FRMPD4: variants seen among roughly 807,000 people sequenced by gnomAD.
FRMPD4 encodes FERM and PDZ domain-containing protein 4.
In FRMPD4, 22 loss-of-function variants were observed where a neutral mutation model predicts 94.1. The ratio of observed to expected loss-of-function variants is 0.23; its 90% CI spans 0.17 to 0.33. The LOEUF (loss-of-function observed/expected upper bound fraction) is 0.33, where lower values mean the gene tolerates loss of function less well. Ranked by LOEUF, FRMPD4 falls within the 10% of genes least tolerant of loss-of-function variation. The probability of loss-of-function intolerance (pLI) is 1.00; values close to 1 mark genes in which losing one functional copy is unlikely to be tolerated. For synonymous variants in FRMPD4, 631 were observed against 548.6 expected (o/e 1.15, Z -2.10); for missense variants, 1,111 against 1,339.9 (o/e 0.83, Z 2.67).
At chrX:11,932,173 TTGA>T (rs1488997694) in intron 3 of FRMPD4, among the ~76,000 whole-genome samples, 1 of 112,241 alleles carries the variant, frequency 8.9e-6, no homozygotes, top group Non-Finnish European at 1.9e-5. Context: ...CAAAGAAATA[TTGA>T]TGATATTTCA....
chrX:12,583,654 C>T (rs180697891), intron 2 of FRMPD4: 275 of 389,029 alleles, frequency 7.1e-4, no homozygotes, highest in African/African-American at 5.4e-3. Flanking sequence ...GACCCTGAGT[C>T]TGCGCGCCCC....
intron 1 of FRMPD4, among the ~76,000 whole-genome samples, chrX:12,366,047 T>C (rs1197498827): frequency 8.9e-6 from 1 of 111,966 alleles, no homozygotes; most frequent in Non-Finnish European, 1.9e-5. Flanking sequence ...TTTTGCCTTA[T>C]GATAGGGGTT....
At chrX:11,917,349 A>G (rs981598674) in intron 3 of FRMPD4, among the ~76,000 whole-genome samples, 1 of 112,367 alleles carries the variant, frequency 8.9e-6, no homozygotes, top group Non-Finnish European at 1.9e-5. Context: ...TCAGAGAACT[A>G]AAAATAGAAC....
At chrX:12,594,422 CATTT>C (rs747602603) in intron 2 of FRMPD4, among the ~76,000 whole-genome samples, 20 of 101,542 alleles carry the variant, frequency 2.0e-4, no homozygotes, top group East Asian at 8.5e-4. Flanking sequence ...TAGTTAACCC[CATTT>C]ATTTATTTAT....
chrX:12,448,565 A>AAAT (rs2057228734), intron 1 of FRMPD4, among the ~76,000 whole-genome samples: 1 of 112,318 alleles, frequency 8.9e-6, no homozygotes, highest in Non-Finnish European at 1.9e-5. Context: ...GCTGGAAAGA[A>AAAT]AATAACATTC....
intron 1 of FRMPD4, among the ~76,000 whole-genome samples, chrX:11,862,960 G>A (rs371906363): frequency 2.1e-5 from 1 of 47,654 alleles, no homozygotes; most frequent in African/African-American, 7.8e-5. Context: ...AGGGAACTTG[G>A]TTTTTTTTTT....
At chrX:12,484,082 C>T (rs762898944) in intron 1 of FRMPD4, among the ~76,000 whole-genome samples, 270 of 111,517 alleles carry the variant, frequency 2.4e-3, no homozygotes, top group African/African-American at 8.5e-3. Context: ...TGAATATGAT[C>T]GTCCATTGTA....
intron 1 of FRMPD4, among the ~76,000 whole-genome samples, chrX:12,298,735 A>G (rs2054811189): frequency 8.9e-6 from 1 of 112,447 alleles, no homozygotes; most frequent in Non-Finnish European, 1.9e-5. Flanking sequence ...TGATTTGAAT[A>G]TAAATTGGGC....
At chrX:12,096,419 TTATTGAAA>T (rs2055202293) in intron 3 of FRMPD4, among the ~76,000 whole-genome samples, 1 of 112,019 alleles carries the variant, frequency 8.9e-6, no homozygotes. Flanking sequence ...TAGTTTCAGC[TTATTGAAA>T]TATTTTTTAG....
intron 3 of FRMPD4, among the ~76,000 whole-genome samples, chrX:11,959,220 G>A (rs1345501807): frequency 8.9e-6 from 1 of 112,291 alleles, no homozygotes; most frequent in Non-Finnish European, 1.9e-5. Context: ...ATAAAGGGTT[G>A]CAGCCTGCAG....
intron 3 of FRMPD4, among the ~76,000 whole-genome samples, chrX:12,101,132 G>A (rs1306174427): frequency 1.8e-5 from 2 of 111,723 alleles, no homozygotes; most frequent in African/African-American, 3.3e-5. Flanking sequence ...CATCTAGGGG[G>A]TGTGTTTCTG....
intron 1 of FRMPD4, among the ~76,000 whole-genome samples, chrX:12,406,050 T>C (rs1601906282): frequency 9.0e-6 from 1 of 111,122 alleles, no homozygotes; most frequent in Admixed American, 9.6e-5. Flanking sequence ...CCCAGACTCT[T>C]CTAGAGGACA....
At chrX:12,296,545 G>T (rs748451339) in intron 1 of FRMPD4, among the ~76,000 whole-genome samples, 4 of 111,850 alleles carry the variant, frequency 3.6e-5, no homozygotes, top group Non-Finnish European at 5.6e-5. Flanking sequence ...GTGGGGGTTG[G>T]GTAGATCAGC....
At chrX:12,196,812 C>T (rs1310669953) in intron 1 of FRMPD4, among the ~76,000 whole-genome samples, 3 of 109,730 alleles carry the variant, frequency 2.7e-5, no homozygotes, top group Non-Finnish European at 5.7e-5. Flanking sequence ...TGAAACAGAG[C>T]CTTGAACAGA....
At chrX:12,012,437 A>G (rs781457562) in intron 3 of FRMPD4, among the ~76,000 whole-genome samples, 3 of 111,853 alleles carry the variant, frequency 2.7e-5, no homozygotes, top group African/African-American at 9.7e-5. Context: ...TTGTTTAATC[A>G]TGAAGGTATA....
chrX:12,228,037 A>C, intron 1 of FRMPD4, among the ~76,000 whole-genome samples: 1 of 112,424 alleles, frequency 8.9e-6, no homozygotes, highest in East Asian at 2.8e-4. Context: ...AGATTTTGTC[A>C]GTGATCTGTG....
At chrX:12,220,510 C>A (rs184928715) in intron 1 of FRMPD4, among the ~76,000 whole-genome samples, 1 of 111,861 alleles carries the variant, frequency 8.9e-6, no homozygotes, top group East Asian at 2.8e-4. Flanking sequence ...GTAAGCATAA[C>A]TACCAAGCAG....
In FRMPD4 at chrX:12,268,595, A is replaced by G. The variant is rs1406274228; in HGVS notation, c.41+129583A>G. On this transcript the variant is annotated intron_variant, in intron 1 of 16. Coordinates refer to ENST00000675598, the MANE Select transcript of FRMPD4 (RefSeq NM_001368397.1). ...CATCTTTTGTATTCTACCATCTCCT[A>G]CACAGTGATAGGCATAGCCTATAAT... 3.6e-5 allele frequency among the ~76,000 whole-genome samples: 4 copies of G among 111,969 alleles called. No homozygotes were observed. The East Asian group carries it at 1.1e-3, about 31-fold the overall frequency.
chrX:11,951,854 C>A (rs991550352), intron 3 of FRMPD4, among the ~76,000 whole-genome samples: 1 of 111,226 alleles, frequency 9.0e-6, no homozygotes, highest in African/African-American at 3.3e-5. Flanking sequence ...GGCAACAAGA[C>A]AAAATCCCGT....
Sources: gnomAD v4.1 joint callset for allele counts (sites outside exome capture counted in the v4.1 genomes callset) on GRCh38, gnomAD v4.1.1 for gene constraint, MANE v1.5 for transcripts, NCBI Gene and HGNC (gene_info 2026-07-23, HGNC 2026-07-21) for gene names.